STIL: variants seen among roughly 807,000 people sequenced by gnomAD.
STIL encodes STIL centriolar assembly protein.
STIL carries 55 observed loss-of-function variants against 110.1 expected under a neutral mutation model. The ratio of observed to expected loss-of-function variants is 0.50; its 90% CI spans 0.40 to 0.63. The LOEUF is 0.63. STIL is among the 20% of genes least tolerant of loss of function. The pLI, the probability that STIL is intolerant of heterozygous loss-of-function variation, is 0.00. For synonymous variants in STIL, 481 were observed against 530.0 expected, an observed-to-expected ratio of 0.91 and a Z score of 1.27; for missense variants, 1,358 against 1,530.0, an observed-to-expected ratio of 0.89 and a Z score of 1.87.
intron 14 of STIL, among the ~76,000 whole-genome samples, chr1:47,265,437 T>C (rs576675379): frequency 6.6e-6 from 1 of 152,032 alleles, no homozygotes; most frequent in East Asian, 1.9e-4. Context: ...GCTCACCCCA[T>C]GGGGAACCAG....
chr1:47,272,324 G>T, intron 12 of STIL, 83 bp from the exon 13 acceptor site: 2 of 1,439,320 alleles, frequency 1.4e-6, no homozygotes, highest in Non-Finnish European at 1.9e-6. Flanking sequence ...ATTACAAAGC[G>T]CCCTAATTAT....
intron 1 of STIL, 99 bp downstream of exon 1, chr1:47,313,937 G>C (rs1385689542): frequency 6.6e-6 from 1 of 152,344 alleles, no homozygotes; most frequent in Non-Finnish European, 1.5e-5. Flanking sequence ...CTCCTGGAGG[G>C]CGGAACCCAC....
chr1:47,258,166 G>A (rs772758935), intron 16 of STIL, among the ~76,000 whole-genome samples: 4 of 152,220 alleles, frequency 2.6e-5, no homozygotes, highest in Admixed American at 1.3e-4. Context: ...TCTGACAAGA[G>A]GGGAAGGGTT....
intron 16 of STIL, among the ~76,000 whole-genome samples, chr1:47,259,055 C>T (rs1214950738): frequency 2.3e-5 from 3 of 130,374 alleles, no homozygotes; most frequent in Admixed American, 8.5e-5. Context: ...GGCGCAATCT[C>T]GGCTCACTGC....
At chr1:47,298,736 GT>G (rs201792683) in intron 6 of STIL, among the ~76,000 whole-genome samples, 2 of 150,044 alleles carry the variant, frequency 1.3e-5, no homozygotes, top group South Asian at 2.1e-4. Context: ...CAACCAATTT[GT>G]TTTTTTTTGT....
chr1:47,275,347 T>G, intron 12 of STIL, among the ~76,000 whole-genome samples: 1 of 151,070 alleles, frequency 6.6e-6, no homozygotes, highest in Admixed American at 6.6e-5. Flanking sequence ...GGTGGCTCAC[T>G]CCTGTAATCC....
chr1:47,305,067 C>T, intron 2 of STIL, 71 bp from the exon 3 acceptor site: 1 of 1,019,352 alleles, frequency 9.8e-7, no homozygotes, highest in South Asian at 1.3e-5. Flanking sequence ...TAGGAAACAA[C>T]TAACTATCTT....
At position 47,260,206 on chromosome 1, in the gene STIL, C is replaced by G. The variant is rs78319708; in HGVS notation, c.3080+83G>C. 1.9e-4 allele frequency: 262 copies of G among 1,346,890 alleles called. 2 individuals are homozygous for G. The East Asian group carries it at 6.2e-3, about 32-fold the overall frequency. 83.4% of individuals were successfully genotyped at this position (1,346,890 alleles called of 1,614,324 possible). A position where few individuals can be genotyped will look rare whatever the true frequency, so the allele number is the denominator to read the frequency against. On this transcript the variant is annotated intron_variant, in intron 16 of 16. Coordinates refer to ENST00000371877, the MANE Select transcript of STIL (RefSeq NM_001048166.1). ...CACAATACATCTAAAATTTATTCAT[C>G]TAGCCAATGATGGGCAAAAATAAAT...
intron 12 of STIL, among the ~76,000 whole-genome samples, chr1:47,275,024 C>G (rs775658945): frequency 1.3e-5 from 2 of 151,770 alleles, no homozygotes; most frequent in Non-Finnish European, 2.9e-5. Context: ...TGGTGGCACA[C>G]GGCTGCAATC....
intron 12 of STIL, among the ~76,000 whole-genome samples, chr1:47,274,056 G>A (rs1384817792): frequency 1.3e-5 from 2 of 151,872 alleles, no homozygotes; most frequent in African/African-American, 2.4e-5. Flanking sequence ...AATTTGTTGC[G>A]TACTTCCTCT....
At chr1:47,285,788 A>G (rs909381759) in intron 10 of STIL, among the ~76,000 whole-genome samples, 1 of 151,828 alleles carries the variant, frequency 6.6e-6, no homozygotes, top group Non-Finnish European at 1.5e-5. Flanking sequence ...CAAAAGGTAG[A>G]ATATGCTGAC....
At chr1:47,274,880 A>G (rs1377715666) in intron 12 of STIL, among the ~76,000 whole-genome samples, 2 of 152,030 alleles carry the variant, frequency 1.3e-5, no homozygotes, top group Non-Finnish European at 2.9e-5. Context: ...TGCTGGGTGC[A>G]GTGGCTCACA....
At chr1:47,262,364 G>A (rs1644510654) in intron 15 of STIL, among the ~76,000 whole-genome samples, 1 of 152,040 alleles carries the variant, frequency 6.6e-6, no homozygotes, top group African/African-American at 2.4e-5. Flanking sequence ...CCTTTATTCT[G>A]TGTTCTCTTT....
At chr1:47,308,712 AGG>A (rs1157394354) in intron 2 of STIL, among the ~76,000 whole-genome samples, 2 of 152,128 alleles carry the variant, frequency 1.3e-5, no homozygotes, top group Non-Finnish European at 2.9e-5. Context: ...ATAGCACAGC[AGG>A]GTGACTATAG....
chr1:47,281,277 A>G, intron 11 of STIL, 68 bp from the exon 12 acceptor site: 1 of 1,457,706 alleles, frequency 6.9e-7, no homozygotes, highest in South Asian at 1.3e-5. Flanking sequence ...TACTTTCCTC[A>G]GACCAGTATT....
At position 47,281,133 on chromosome 1, in the gene STIL, G is replaced by C; in HGVS notation, c.1325C>G (p.Pro442Arg). 1 of 1,614,130 alleles carries C rather than the reference G, an allele frequency of 6.2e-7. No homozygotes were observed. The highest frequency in any genetic ancestry group is 1.3e-5 in the African/African-American group (1 of 75,044). ...DGNFIESNPL[P>R]TPLEMVNNEN... ...ATTATTCACCATTTCCAATGGAGTA[G>C]GCAGAGGGTTTGATTCTATGAAATT... Residue 442 changes from proline to arginine, a missense_variant, in exon 12 of 17, where the codon CCT becomes CGT. Transcript: ENST00000371877.
chr1:47,293,736 A>G (rs1463785458), intron 7 of STIL, among the ~76,000 whole-genome samples, 192 bp from the exon 8 acceptor site: 1 of 152,144 alleles, frequency 6.6e-6, no homozygotes, highest in Non-Finnish European at 1.5e-5. Flanking sequence ...ATATATAACT[A>G]TATTGATATA....
At chr1:47,291,698 T>C (rs1234349759) in intron 8 of STIL, among the ~76,000 whole-genome samples, 2 of 152,120 alleles carry the variant, frequency 1.3e-5, no homozygotes, top group Non-Finnish European at 2.9e-5. Context: ...CCCGAGCAGC[T>C]GGGATTACCG....
At chr1:47,288,152 G>C (rs75918123) in intron 9 of STIL, among the ~76,000 whole-genome samples, 13,903 of 150,046 alleles carry the variant, frequency 0.093, 2,114 homozygotes, top group African/African-American at 0.32. Context: ...CGATCTGAGT[G>C]GACACGTGGT....
Sources: gnomAD v4.1 joint callset for allele counts (sites outside exome capture counted in the v4.1 genomes callset) on GRCh38, gnomAD v4.1.1 for gene constraint, MANE v1.5 for transcripts, NCBI Gene and HGNC (gene_info 2026-07-23, HGNC 2026-07-21) for gene names.